The following MSI2 variants were observed in gnomAD, a reference collection of about 807,000 sequenced individuals.
MSI2 encodes RNA-binding protein Musashi homolog 2.
Under a neutral mutation model 45.6 loss-of-function variants are expected in MSI2, and 17 were observed. The observed-to-expected ratio is 0.37, with a 90% CI of 0.26 to 0.56. The LOEUF is 0.56. MSI2 is among the 20% of genes least tolerant of loss of function. MSI2 has a pLI of 0.77. For synonymous variants in MSI2, 156 were observed against 158.2 expected (o/e 0.99, Z 0.11); for missense variants, 293 against 444.2 (o/e 0.66, Z 3.06).
intron 8 of MSI2, among the ~76,000 whole-genome samples, chr17:57,605,922 C>A (rs1166972332): frequency 6.6e-6 from 1 of 152,276 alleles, no homozygotes; most frequent in African/African-American, 2.4e-5. Flanking sequence ...ACCTGAGCAC[C>A]TGCTGGAGGC....
intron 6 of MSI2, chr17:57,522,680 C>G (rs923440503): frequency 1.3e-5 from 2 of 152,170 alleles, no homozygotes; most frequent in Non-Finnish European, 1.5e-5. Context: ...TTCCTCCTTT[C>G]ACAGAAGAAA....
intron 7 of MSI2, among the ~76,000 whole-genome samples, chr17:57,531,238 G>C (rs879812990): frequency 6.6e-6 from 1 of 152,168 alleles, no homozygotes; most frequent in African/African-American, 2.4e-5. Context: ...TGTGACATTG[G>C]GAAAAATCAC....
chr17:57,432,123 T>G (rs947417665), intron 6 of MSI2, among the ~76,000 whole-genome samples: 8 of 152,128 alleles, frequency 5.3e-5, no homozygotes, highest in African/African-American at 1.4e-4. Flanking sequence ...TGAAAAAAAT[T>G]GAGCTGTCTT....
intron 11 of MSI2, among the ~76,000 whole-genome samples, chr17:57,656,529 G>A (rs1009842508): frequency 9.9e-5 from 15 of 152,202 alleles, no homozygotes; most frequent in African/African-American, 3.6e-4. Flanking sequence ...TTCTTGGGGT[G>A]GAGGGGAAAT....
chr17:57,484,891 CT>C (rs2085721128), intron 6 of MSI2, among the ~76,000 whole-genome samples: 1 of 152,204 alleles, frequency 6.6e-6, no homozygotes, highest in African/African-American at 2.4e-5. Context: ...TCCATGAGGC[CT>C]TCCCTGCTTC....
Position 57,283,011 on chromosome 17 carries a change from G to A in MSI2, c.312+20819G>A, listed in dbSNP as rs550884419. ...ACCATGTTCACCTTTAACTGCAAACGGCTGTGACGAGAGTTGTATTTAATT... is the reference window on the plus strand; with the variant it reads ...ACCATGTTCACCTTTAACTGCAAACAGCTGTGACGAGAGTTGTATTTAATT... On this transcript the variant is annotated intron_variant, in intron 5 of 13. Coordinates refer to ENST00000284073, the MANE Select transcript of MSI2 (RefSeq NM_138962.4). Among the ~76,000 whole-genome samples the A allele has an allele frequency of 3.9e-5, 6 of 152,070 alleles. No individual in the cohort carries two copies. In the East Asian group the frequency reaches 1.2e-3, roughly 29 times the overall value.
intron 4 of MSI2, among the ~76,000 whole-genome samples, chr17:57,261,565 T>C (rs1907310540): frequency 6.6e-6 from 1 of 152,206 alleles, no homozygotes; most frequent in African/African-American, 2.4e-5. Flanking sequence ...TGGGTAACTT[T>C]ACTTTTGCTA....
chr17:57,577,721 G>A (rs528640957), intron 7 of MSI2, among the ~76,000 whole-genome samples: 22 of 152,260 alleles, frequency 1.4e-4, no homozygotes, highest in Non-Finnish European at 2.8e-4. Flanking sequence ...TCTTATTTAT[G>A]AAAAAAGGTT....
intron 7 of MSI2, among the ~76,000 whole-genome samples, chr17:57,574,647 G>A (rs1235226435): frequency 1.3e-5 from 2 of 152,142 alleles, no homozygotes; most frequent in Admixed American, 6.5e-5. Flanking sequence ...GCCTTTAGGC[G>A]CAGCAGTAGG....
chr17:57,486,375 G>A (rs1443923233), intron 6 of MSI2, among the ~76,000 whole-genome samples: 1 of 152,156 alleles, frequency 6.6e-6, no homozygotes, highest in African/African-American at 2.4e-5. Context: ...TTTCTATAGG[G>A]AAGGGCAAAA....
chr17:57,502,636 T>TATATATATATATATATAGAGAGAGAGAG, intron 6 of MSI2, among the ~76,000 whole-genome samples: 12 of 96,924 alleles, frequency 1.2e-4, no homozygotes, highest in Non-Finnish European at 2.4e-4. Context: ...TATATATATA[T>TATATATATATATATATAGAGAGAGAGAG]AGTCATCATT....
intron 6 of MSI2, among the ~76,000 whole-genome samples, chr17:57,454,564 G>A (rs915096490): frequency 8.6e-5 from 13 of 151,012 alleles, no homozygotes; most frequent in African/African-American, 2.9e-4. Flanking sequence ...AGCCTCCTAA[G>A]TAGCTGGGAT....
chr17:57,566,412 A>G (rs1400601701), intron 7 of MSI2, among the ~76,000 whole-genome samples: 1 of 152,204 alleles, frequency 6.6e-6, no homozygotes, highest in Admixed American at 6.5e-5. Flanking sequence ...GAGCTAAAAA[A>G]GCCATGAGAA....
intron 10 of MSI2, among the ~76,000 whole-genome samples, chr17:57,642,708 G>A (rs1252900020): frequency 1.3e-5 from 2 of 152,248 alleles, no homozygotes; most frequent in African/African-American, 4.8e-5. Context: ...TCACTGCTAT[G>A]ATTCCAGTGC....
chr17:57,660,470 C>T (rs1911911169), intron 11 of MSI2, among the ~76,000 whole-genome samples: 1 of 152,158 alleles, frequency 6.6e-6, no homozygotes, highest in Admixed American at 6.5e-5. Context: ...CAGTGGATGC[C>T]CACCACAGCC....
chr17:57,389,612 A>G (rs2083750863), intron 5 of MSI2, among the ~76,000 whole-genome samples: 2 of 152,192 alleles, frequency 1.3e-5, no homozygotes, highest in African/African-American at 2.4e-5. Flanking sequence ...CTTGGCACAT[A>G]GTGGGTCCTC....
At chr17:57,591,730 A>G (rs1028942564) in intron 7 of MSI2, among the ~76,000 whole-genome samples, 9 of 116,768 alleles carry the variant, frequency 7.7e-5, no homozygotes, top group African/African-American at 3.4e-4. Flanking sequence ...ACCCTGTCTC[A>G]AAAAAAAAAA....
At chr17:57,628,105 T>A (rs533471509) in intron 10 of MSI2, 1 of 152,410 alleles carries the variant, frequency 6.6e-6, no homozygotes, top group Admixed American at 6.5e-5. Flanking sequence ...TTGGGGTGTT[T>A]GGGGGTCTCC....
rs142025105 is a variant in MSI2 at position 57,555,904 on chromosome 17, A to G, written c.454+26180A>G. On this transcript the variant is annotated intron_variant, in intron 7 of 13. Transcript: ENST00000284073. ...GCATCCTCCTCTCCCTACAGCCAGG[A>G]CAGGCTGCCCAGCCTCAGAACCACC... 5.6e-3 allele frequency among the ~76,000 whole-genome samples: 846 copies of G among 152,306 alleles called. 3 individuals are homozygous for G. Among genetic ancestry groups the G allele is most frequent in the Middle Eastern group, 0.024 (7 of 294 alleles).
Sources: gnomAD v4.1 joint callset for allele counts (sites outside exome capture counted in the v4.1 genomes callset) on GRCh38, gnomAD v4.1.1 for gene constraint, MANE v1.5 for transcripts, NCBI Gene and HGNC (gene_info 2026-07-23, HGNC 2026-07-21) for gene names.